Variants in ZNF675 observed in about 807,000 individuals in gnomAD.
ZNF675 encodes the protein zinc finger protein 675.
ZNF675 carries 36 observed loss-of-function variants against 56.1 expected under a neutral mutation model. That is an observed-to-expected ratio of 0.64 (90% confidence interval 0.49 to 0.85). The LOEUF (loss-of-function observed/expected upper bound fraction) is 0.85, where lower values mean the gene tolerates loss of function less well. ZNF675 is among the 40% of genes least tolerant of loss of function. The pLI, the probability that ZNF675 is intolerant of heterozygous loss-of-function variation, is 0.00. For missense variants in ZNF675, 663 were observed against 654.2 expected (o/e 1.01, Z -0.15); for synonymous variants, 200 against 218.9 (o/e 0.91, Z 0.76).
intron 3 of ZNF675, among the ~76,000 whole-genome samples, chr19:23,660,565 C>A (rs901702724): frequency 3.9e-5 from 6 of 151,996 alleles, no homozygotes; most frequent in African/African-American, 1.4e-4. Context: ...TAAACTTAAA[C>A]TCTCTGATAA....
At chr19:23,655,967 T>G (rs1013904836) in intron 3 of ZNF675, 1 of 152,120 alleles carries the variant, frequency 6.6e-6, no homozygotes, top group Non-Finnish European at 1.5e-5. Flanking sequence ...GTAGCAGCCA[T>G]GGCACGTCTG....
intron 1 of ZNF675, 141 bp from the exon 2 acceptor site, chr19:23,663,299 T>G: frequency 9.0e-7 from 1 of 1,106,592 alleles, no homozygotes; most frequent in Non-Finnish European, 1.3e-6. Flanking sequence ...TCATATTTTT[T>G]ACACAGAAAT....
chr19:23,658,867 A>C (rs1313634049), intron 3 of ZNF675, among the ~76,000 whole-genome samples: 67 of 1,038 alleles, frequency 0.065, no homozygotes, highest in Non-Finnish European at 0.1. Flanking sequence ...ATAGAAATAG[A>C]TCTATAGATA....
rs1299723340 is a variant in ZNF675 at position 23,653,867 on chromosome 19, T to TA, written c.1065dup (p.Thr356TyrfsTer2). The TA allele has an allele frequency of 6.2e-7, 1 of 1,613,790 alleles. No individual in the cohort carries two copies. Among genetic ancestry groups the TA allele is most frequent in the Non-Finnish European group, 8.5e-7 (1 of 1,179,902 alleles). ...CCAGTATGAATGTTTTTATGTTCAG[T>TA]AAGTTTTGAGGATCGGTTAAAAGCT... On this transcript the variant is annotated frameshift_variant, in exon 4 of 4. Coordinates refer to ENST00000359788, the MANE Select transcript of ZNF675 (RefSeq NM_138330.3). LOFTEE classifies it high-confidence loss of function.
chr19:23,667,214 C>T (rs958410115), intron 1 of ZNF675, among the ~76,000 whole-genome samples: 2 of 151,956 alleles, frequency 1.3e-5, no homozygotes, highest in Admixed American at 6.6e-5. Context: ...CCGGTGGGCT[C>T]GTGGTGTCAC....
chr19:23,658,307 G>A (rs117922342), intron 3 of ZNF675: 2 of 151,702 alleles, frequency 1.3e-5, no homozygotes, highest in African/African-American at 4.8e-5. Context: ...GTTGGAGTGA[G>A]TCAAGATTGC....
chr19:23,679,741 A>G (rs1218698896), intron 1 of ZNF675, among the ~76,000 whole-genome samples: 2 of 151,592 alleles, frequency 1.3e-5, no homozygotes, highest in Non-Finnish European at 2.9e-5. Context: ...CTGTAATCCC[A>G]GCACTTTGGG....
At chr19:23,658,901 ATC>A (rs1327096256) in intron 3 of ZNF675, among the ~76,000 whole-genome samples, 70 of 11,546 alleles carry the variant, frequency 6.1e-3, no homozygotes, top group Non-Finnish European at 0.024. Flanking sequence ...ATCTATAGAT[ATC>A]TATAGATAGA....
In ZNF675 at chr19:23,687,077, T is replaced by C. The variant is rs375502906; in HGVS notation, c.-44A>G. On this transcript the variant is annotated 5_prime_UTR_variant, in exon 1 of 4. Transcript: ENST00000359788. ...TCCTGGAGTCTTAGCTGTGGATCTC[T>C]CAATTTCTGCAGGTCACAGGCCCAC... The C allele has an allele frequency of 2.5e-6, 4 of 1,611,732 alleles. No individual in the cohort carries two copies. The highest frequency in any genetic ancestry group is 3.4e-6 in the Non-Finnish European group (4 of 1,178,526).
chr19:23,681,898 G>A (rs1476486437), intron 1 of ZNF675, among the ~76,000 whole-genome samples: 1 of 151,632 alleles, frequency 6.6e-6, no homozygotes, highest in Non-Finnish European at 1.5e-5. Flanking sequence ...AAAAAAGGTG[G>A]GGAAAAATGA....
intron 3 of ZNF675, among the ~76,000 whole-genome samples, chr19:23,659,767 A>G (rs1968051436): frequency 1.3e-5 from 2 of 152,158 alleles, no homozygotes; most frequent in African/African-American, 4.8e-5. Flanking sequence ...CCTCACAGCC[A>G]AAGTCTGGGA....
At chr19:23,662,763 T>C (rs574416138) in intron 2 of ZNF675, among the ~76,000 whole-genome samples, 1 of 152,242 alleles carries the variant, frequency 6.6e-6, no homozygotes, top group African/African-American at 2.4e-5. Context: ...ATGGCTCATC[T>C]GAGGTCACGA....
At chr19:23,665,478 G>A (rs551988902) in intron 1 of ZNF675, among the ~76,000 whole-genome samples, 1 of 152,072 alleles carries the variant, frequency 6.6e-6, no homozygotes, top group Non-Finnish European at 1.5e-5. Flanking sequence ...GGGTTCATGA[G>A]TGGTTTTTTT....
rs1669764913 is a variant in ZNF675, at chr19:23,654,688, G to T, written c.245C>A (p.Ala82Asp). The change falls in exon 4 of 4, where the codon GCC becomes GAC. Residue 82 changes from alanine (A) to aspartate (D), a missense_variant. By Grantham distance (126) the Ala-to-Asp change is moderately radical (BLOSUM62 -2). Coordinates refer to ENST00000359788, the MANE Select transcript of ZNF675 (RefSeq NM_138330.3). ...GTTCTGCTCTGGCCAAAACTCTTGG[G>T]CAAAATGAGAACACATTACTGAAAG... is the stretch of plus-strand genomic sequence containing the variant. ...NEPPVMCSHF[A>D]QEFWPEQNIK... is the part of the protein sequence containing the mutation. The T allele has an allele frequency of 6.5e-7, 1 of 1,534,736 alleles. No individual in the cohort carries two copies. The highest frequency in any genetic ancestry group is 8.8e-7 in the Non-Finnish European group (1 of 1,142,416).
intron 1 of ZNF675, among the ~76,000 whole-genome samples, chr19:23,663,363 A>C (rs918707095): frequency 2.0e-5 from 3 of 152,214 alleles, no homozygotes; most frequent in South Asian, 2.1e-4. Flanking sequence ...AAGAGCCACA[A>C]CACCAGTGTA....
At chr19:23,662,059 A>G (rs1268007373) in intron 3 of ZNF675, 55 bp downstream of exon 3, 1 of 1,281,382 alleles carries the variant, frequency 7.8e-7, no homozygotes, top group Non-Finnish European at 1.1e-6. Context: ...TTTCTCTTTG[A>G]CCTTTGGACC....
At chr19:23,674,984 A>AAG (rs1555707802) in intron 1 of ZNF675, among the ~76,000 whole-genome samples, 4,557 of 138,644 alleles carry the variant, frequency 0.033, 129 homozygotes, top group Middle Eastern at 0.056. Context: ...AAAAAAAAAA[A>AAG]AGAGAGAGAG....
chr19:23,669,535 G>T (rs748515576), intron 1 of ZNF675, among the ~76,000 whole-genome samples: 4 of 152,078 alleles, frequency 2.6e-5, no homozygotes, highest in Non-Finnish European at 4.4e-5. Flanking sequence ...CTGAAGTTGA[G>T]AGAGTTAAAG....
At chr19:23,665,977 G>A (rs1439369793) in intron 1 of ZNF675, among the ~76,000 whole-genome samples, 1 of 152,154 alleles carries the variant, frequency 6.6e-6, no homozygotes, top group Non-Finnish European at 1.5e-5. Context: ...GCTCTTTAAA[G>A]TTTACAGAAT....
Sources: gnomAD v4.1 joint callset for allele counts (sites outside exome capture counted in the v4.1 genomes callset) on GRCh38, gnomAD v4.1.1 for gene constraint, MANE v1.5 for transcripts, NCBI Gene and HGNC (gene_info 2026-07-23, HGNC 2026-07-21) for gene names.